PTPRZ1: variants seen among roughly 807,000 people sequenced by gnomAD.
The protein encoded by PTPRZ1 is protein tyrosine phosphatase receptor type Z1.
A neutral mutation model predicts 214.1 loss-of-function variants in PTPRZ1; 82 were observed. The observed-to-expected ratio is 0.38, with a 90% CI of 0.32 to 0.46. The LOEUF is 0.46. Ranked by LOEUF, PTPRZ1 falls within the 20% of genes least tolerant of loss-of-function variation. PTPRZ1 has a pLI of 1.00. For missense variants in PTPRZ1, 2,603 were observed against 2,748.7 expected (o/e 0.95, Z 1.19); for synonymous variants, 945 against 987.9 (o/e 0.96, Z 0.81).
intron 2 of PTPRZ1, among the ~76,000 whole-genome samples, chr7:121,967,229 GC>G (rs1797072344): frequency 6.6e-6 from 1 of 152,072 alleles, no homozygotes; most frequent in Non-Finnish European, 1.5e-5. Context: ...TTTATTTTAA[GC>G]AAAAATCTTT....
chr7:122,044,718 G>A, intron 23 of PTPRZ1, 150 bp downstream of exon 23: 1 of 770,100 alleles, frequency 1.3e-6, no homozygotes, highest in South Asian at 2.0e-5. Context: ...GTGGGCTACA[G>A]TGCCACATGG....
intron 1 of PTPRZ1, among the ~76,000 whole-genome samples, chr7:121,899,774 CA>C (rs1794904720): frequency 6.6e-6 from 1 of 152,190 alleles, no homozygotes; most frequent in East Asian, 1.9e-4. Flanking sequence ...GAGAGTATTA[CA>C]TGGTGTTCAC....
At chr7:121,971,235 T>C (rs373667909) in intron 3 of PTPRZ1, among the ~76,000 whole-genome samples, 1 of 152,200 alleles carries the variant, frequency 6.6e-6, no homozygotes, top group Non-Finnish European at 1.5e-5. Context: ...CAAAAATCTT[T>C]ATAGAAATCC....
At chr7:121,888,382 C>T (rs1488298834) in intron 1 of PTPRZ1, among the ~76,000 whole-genome samples, 4 of 151,612 alleles carry the variant, frequency 2.6e-5, no homozygotes, top group Non-Finnish European at 5.9e-5. Context: ...ATGGGGCAAA[C>T]GTTTAGGGGA....
At position 121,873,365 on chromosome 7, in the gene PTPRZ1, C is replaced by T. The variant is rs1453012733; in HGVS notation, c.-135C>T. 4.0e-6 allele frequency: 3 copies of T among 758,292 alleles called. No individual in the cohort carries two copies. Among genetic ancestry groups the T allele is most frequent in the Non-Finnish European group, 4.4e-6 (2 of 458,626 alleles). 47.0% of individuals were successfully genotyped at this position (758,292 alleles called of 1,614,324 possible). ...ACACACACACAAACACACATACGCA[C>T]GCACGATCTCACTTCGATCTATACA... is the stretch of plus-strand genomic sequence containing the variant. On this transcript the variant is annotated 5_prime_UTR_variant, in exon 1 of 30. In the 5' UTR this introduces an upstream ATG that the reference lacks. Coordinates refer to ENST00000393386, the MANE Select transcript of PTPRZ1 (RefSeq NM_002851.3).
At chr7:121,923,972 TTTAG>T (rs1275039719) in intron 1 of PTPRZ1, among the ~76,000 whole-genome samples, 2 of 152,056 alleles carry the variant, frequency 1.3e-5, no homozygotes, top group African/African-American at 4.8e-5. Flanking sequence ...TTCCTCTCAA[TTTAG>T]TTAGGAGGTT....
intron 11 of PTPRZ1, among the ~76,000 whole-genome samples, chr7:122,006,734 C>T (rs1048959604): frequency 6.6e-6 from 1 of 151,948 alleles, no homozygotes; most frequent in Non-Finnish European, 1.5e-5. Context: ...AAAAAAAAGC[C>T]TCAGTGCATC....
At chr7:122,053,388 C>A (rs1258724936) in intron 25 of PTPRZ1, among the ~76,000 whole-genome samples, 1 of 152,136 alleles carries the variant, frequency 6.6e-6, no homozygotes, top group Non-Finnish European at 1.5e-5. Flanking sequence ...CACTATGGAG[C>A]AGTTTTGTAA....
At chr7:121,915,078 C>T (rs182793373) in intron 1 of PTPRZ1, among the ~76,000 whole-genome samples, 5 of 152,152 alleles carry the variant, frequency 3.3e-5, no homozygotes, top group Non-Finnish European at 7.4e-5. Context: ...ACTAGAGCAC[C>T]GCCGTATACT....
At chr7:121,906,612 G>A (rs1013580471) in intron 1 of PTPRZ1, among the ~76,000 whole-genome samples, 2 of 152,060 alleles carry the variant, frequency 1.3e-5, no homozygotes, top group African/African-American at 2.4e-5. Context: ...CTGGCACCAC[G>A]TTTTCCAAAA....
intron 1 of PTPRZ1, among the ~76,000 whole-genome samples, chr7:121,916,975 G>A (rs1162061821): frequency 6.6e-6 from 1 of 152,148 alleles, no homozygotes; most frequent in African/African-American, 2.4e-5. Flanking sequence ...AAAGAGTAGA[G>A]GCATGAGATG....
rs182414168 is a variant in PTPRZ1 at position 121,954,864 on chromosome 7, C to G, written c.125-13087C>G. 9.5e-4 allele frequency among the ~76,000 whole-genome samples: 144 copies of G among 152,346 alleles called. 1 individual carries two copies. The highest frequency in any genetic ancestry group is 3.4e-3 in the African/African-American group (141 of 41,588). On this transcript the variant is annotated intron_variant, in intron 2 of 29. Transcript: ENST00000393386. ...GCTGTGGCAGCAGATTTATTGCTAT[C>G]ATAATGGATCCACAGCTTCTTTCTT...
chr7:121,976,114 C>T, intron 4 of PTPRZ1, 59 bp from the exon 5 acceptor site: 1 of 1,167,542 alleles, frequency 8.6e-7, no homozygotes, highest in African/African-American at 1.5e-5. Context: ...GTAGAATTCT[C>T]TTTGCTGATT....
At chr7:122,060,548 C>T (rs973383345) in intron 29 of PTPRZ1, among the ~76,000 whole-genome samples, 3 of 152,120 alleles carry the variant, frequency 2.0e-5, no homozygotes, top group African/African-American at 4.8e-5. Context: ...AGAGAAGGTA[C>T]TTACCTTTGC....
rs1350756835 is a variant in PTPRZ1, at chr7:121,873,325, C to CTT, written c.-174_-173insTT. 24 of 561,172 alleles carry CTT rather than the reference C, an allele frequency of 4.3e-5. No homozygotes were observed. In the East Asian group the frequency reaches 7.1e-4, roughly 17 times the overall value. The allele number at this position is 561,172 out of a possible 1,614,324, so 34.8% of individuals were successfully genotyped here. On this transcript the variant is annotated 5_prime_UTR_variant, in exon 1 of 30. Coordinates refer to ENST00000393386, the MANE Select transcript of PTPRZ1 (RefSeq NM_002851.3). Reference sequence around the variant, plus strand: ...TCTGTCTCTGTCTCTGTCTCTCTCTCTCTCACACACACACACACACACACA... The same window carrying CTT: ...TCTGTCTCTGTCTCTGTCTCTCTCTCTTTCTCACACACACACACACACACACA...
chr7:122,037,010 C>A (rs1003766575), intron 18 of PTPRZ1, among the ~76,000 whole-genome samples: 1 of 150,162 alleles, frequency 6.7e-6, no homozygotes, highest in African/African-American at 2.5e-5. Flanking sequence ...CGGTGGCTCA[C>A]GCCTGTAATC....
At chr7:121,979,811 C>G (rs1210651351) in intron 6 of PTPRZ1, among the ~76,000 whole-genome samples, 2 of 151,988 alleles carry the variant, frequency 1.3e-5, no homozygotes, top group African/African-American at 4.8e-5. Flanking sequence ...GTGTTTTTTT[C>G]TCAAGCCAAC....
At chr7:122,023,776 AAT>A (rs1491095100) in intron 13 of PTPRZ1, among the ~76,000 whole-genome samples, 2 of 134,404 alleles carry the variant, frequency 1.5e-5, no homozygotes, top group East Asian at 2.0e-4. Context: ...TTTTATATAT[AAT>A]ATATATTATA....
At chr7:122,048,088 G>C (rs917914305) in intron 23 of PTPRZ1, among the ~76,000 whole-genome samples, 2 of 151,910 alleles carry the variant, frequency 1.3e-5, no homozygotes, top group Non-Finnish European at 2.9e-5. Flanking sequence ...ACAGTGAAAG[G>C]TTTCCATAAA....
Sources: allele counts gnomAD v4.1 joint callset (sites outside exome capture counted in the v4.1 genomes callset), GRCh38; gene constraint gnomAD v4.1.1; transcripts MANE v1.5; gene names NCBI Gene and HGNC (gene_info 2026-07-23, HGNC 2026-07-21).